Variants in SPOPL observed in about 807,000 individuals in gnomAD.
The protein encoded by SPOPL is speckle-type POZ protein-like.
A neutral mutation model predicts 53.8 loss-of-function variants in SPOPL; 23 were observed. That is an observed-to-expected ratio of 0.43 (90% confidence interval 0.31 to 0.61). The LOEUF (loss-of-function observed/expected upper bound fraction) is 0.61. SPOPL is among the 20% of genes least tolerant of loss of function. SPOPL has a pLI of 0.12. For synonymous variants in SPOPL, 164 were observed against 149.7 expected, an observed-to-expected ratio of 1.10 and a Z score of -0.70; for missense variants, 442 against 466.9, an observed-to-expected ratio of 0.95 and a Z score of 0.49.
chr2:138,542,874 C>A (rs1018224571), intron 1 of SPOPL, among the ~76,000 whole-genome samples: 10 of 152,080 alleles, frequency 6.6e-5, no homozygotes, highest in Non-Finnish European at 1.3e-4. Flanking sequence ...TGGCTGGTAC[C>A]GGTTGTTCCT....
chr2:138,543,095 C>T (rs1028695237), intron 1 of SPOPL, among the ~76,000 whole-genome samples: 5 of 152,230 alleles, frequency 3.3e-5, no homozygotes, highest in Middle Eastern at 3.4e-3. Flanking sequence ...GAGTTTCTGC[C>T]GAGAGATCAG....
chr2:138,514,127 G>A (rs1558861682), intron 1 of SPOPL, among the ~76,000 whole-genome samples: 1 of 152,104 alleles, frequency 6.6e-6, no homozygotes. Context: ...AGTTAATTTA[G>A]GAAGTTTATT....
chr2:138,552,187 T>C (rs925256734), intron 4 of SPOPL, among the ~76,000 whole-genome samples: 1 of 152,034 alleles, frequency 6.6e-6, no homozygotes, highest in Non-Finnish European at 1.5e-5. Flanking sequence ...GATTCTGATA[T>C]TAGATGATTA....
chr2:138,527,746 A>G (rs942669033), intron 1 of SPOPL, among the ~76,000 whole-genome samples: 1 of 152,226 alleles, frequency 6.6e-6, no homozygotes, highest in Non-Finnish European at 1.5e-5. Context: ...CCGTTCATAT[A>G]TTAGGATGAG....
rs1553469729 is a variant in SPOPL, at chr2:138,536,346, C to CACACA, written c.-60-13811_-60-13810insACACA. On this transcript the variant is annotated intron_variant, in intron 1 of 10. Coordinates refer to ENST00000280098, the MANE Select transcript of SPOPL (RefSeq NM_001001664.3). ...GTGGAGTCTATTTAGTGCCCCCCCCCCACACACACACACACGCACACAGTG... is the reference window on the plus strand; with the variant it reads ...GTGGAGTCTATTTAGTGCCCCCCCCCACACACACACACACACACACGCACACAGTG... 4.5e-3 allele frequency among the ~76,000 whole-genome samples: 677 copies of CACACA among 151,314 alleles called. 10 individuals carry two copies. The highest frequency in any genetic ancestry group is 0.016 in the African/African-American group (637 of 40,834).
At chr2:138,553,322 G>A (rs1465594682) in intron 5 of SPOPL, among the ~76,000 whole-genome samples, 1 of 152,012 alleles carries the variant, frequency 6.6e-6, no homozygotes, top group African/African-American at 2.4e-5. Context: ...CTTTTGTCAT[G>A]TTATCATTAG....
At position 138,570,443 on chromosome 2, in the gene SPOPL, G is replaced by A. The variant is rs570399268; in HGVS notation, c.*1363G>A. 6 of 152,188 alleles carry A rather than the reference G, an allele frequency of 3.9e-5. No individual in the cohort carries two copies. The East Asian group carries it at 7.7e-4, about 20-fold the overall frequency. The allele number at this position is 152,188 out of a possible 1,614,324, so 9.4% of individuals were successfully genotyped here. A position where few individuals can be genotyped will look rare whatever the true frequency, so the allele number is the denominator to read the frequency against. ...ATTTTAGCTTTAAATGCATATACAC[G>A]TTCAGTGTTTGATAGTTGTGTTCTT... On this transcript the variant is annotated 3_prime_UTR_variant, in exon 11 of 11. Transcript: ENST00000280098.
intron 1 of SPOPL, among the ~76,000 whole-genome samples, chr2:138,544,654 A>G (rs1053766653): frequency 6.6e-6 from 1 of 152,188 alleles, no homozygotes; most frequent in African/African-American, 2.4e-5. Flanking sequence ...TGACTAGGAA[A>G]GGGAATTCCC....
At chr2:138,509,464 T>G (rs905452170) in intron 1 of SPOPL, among the ~76,000 whole-genome samples, 1 of 152,206 alleles carries the variant, frequency 6.6e-6, no homozygotes, top group Non-Finnish European at 1.5e-5. Context: ...AATGTTATAT[T>G]TATTGACAAA....
At chr2:138,542,393 G>T (rs946025481) in intron 1 of SPOPL, among the ~76,000 whole-genome samples, 22 of 152,112 alleles carry the variant, frequency 1.4e-4, no homozygotes, top group African/African-American at 5.1e-4. Context: ...GGTCTGTAAG[G>T]ACTTGCTTTA....
chr2:138,560,730 G>A, intron 7 of SPOPL, 75 bp from the exon 8 acceptor site: 3 of 1,449,386 alleles, frequency 2.1e-6, no homozygotes, highest in East Asian at 4.8e-5. Flanking sequence ...TTAAATTACT[G>A]TCAAAGATTC....
At chr2:138,550,662 G>T (rs1182381780) in intron 3 of SPOPL, 58 bp downstream of exon 3, 1 of 1,548,214 alleles carries the variant, frequency 6.5e-7, no homozygotes, top group Non-Finnish European at 8.7e-7. Flanking sequence ...ATCATCAGCT[G>T]CTCATGATTT....
At position 138,558,774 on chromosome 2, in the gene SPOPL, G is replaced by A. The variant is rs116172297; in HGVS notation, c.481-248G>A. 2.6e-3 allele frequency among the ~76,000 whole-genome samples: 398 copies of A among 152,018 alleles called. 3 individuals carry two copies. Among genetic ancestry groups the A allele is most frequent in the African/African-American group, 9.3e-3 (385 of 41,494 alleles). On this transcript the variant is annotated intron_variant, in intron 5 of 10. Coordinates refer to ENST00000280098, the MANE Select transcript of SPOPL (RefSeq NM_001001664.3). ...TTTTTGTAATTACTTTAATAATCAA[G>A]CATTCTAACCAATTGATAAGCCATT...
chr2:138,522,522 CCCTT>C (rs1236748984), intron 1 of SPOPL, among the ~76,000 whole-genome samples: 1 of 152,118 alleles, frequency 6.6e-6, no homozygotes, highest in Non-Finnish European at 1.5e-5. Flanking sequence ...ACACATCCCT[CCCTT>C]CCTTTCCCCC....
At chr2:138,527,646 A>G (rs557665385) in intron 1 of SPOPL, among the ~76,000 whole-genome samples, 23 of 152,306 alleles carry the variant, frequency 1.5e-4, no homozygotes, top group Admixed American at 1.1e-3. Flanking sequence ...CTCCATTTCT[A>G]TGAGAGTTCT....
chr2:138,518,067 A>G (rs1307221212), intron 1 of SPOPL, among the ~76,000 whole-genome samples: 27 of 148,774 alleles, frequency 1.8e-4, no homozygotes, highest in Non-Finnish European at 2.8e-4. Context: ...AAAAAAAAAG[A>G]AAAGGAAAAA....
At position 138,552,616 on chromosome 2, in the gene SPOPL, A is replaced by C. The variant is rs748131330; in HGVS notation, c.415A>C (p.Arg139=). 4 of 1,613,170 alleles carry C rather than the reference A, an allele frequency of 2.5e-6. No homozygotes were observed. The African/African-American group carries it at 4.0e-5, about 16-fold the overall frequency. The part of the protein sequence containing the change: ...KDWGFKKFIR[R]DFLLDEANGL... ...CTGGGGTTTTAAAAAATTCATTAGA[A>C]GGGACTTTTTGCTTGATGAAGCTAA... is the stretch of plus-strand genomic sequence containing the variant. The change falls in exon 5 of 11, where the codon AGG becomes CGG. Residue 139 remains arginine (R), a synonymous_variant. Transcript: ENST00000280098.
intron 1 of SPOPL, among the ~76,000 whole-genome samples, chr2:138,536,224 GA>G (rs1193403394): frequency 6.6e-6 from 1 of 152,022 alleles, no homozygotes; most frequent in Non-Finnish European, 1.5e-5. Context: ...TTCAAAGCTG[GA>G]TATTTTATGT....
intron 1 of SPOPL, among the ~76,000 whole-genome samples, chr2:138,528,839 G>A (rs1684733945): frequency 6.6e-6 from 1 of 152,092 alleles, no homozygotes; most frequent in South Asian, 2.1e-4. Flanking sequence ...AAGACTTTGG[G>A]TAGGTTACTT....
Sources: allele counts gnomAD v4.1 joint callset (sites outside exome capture counted in the v4.1 genomes callset), GRCh38; gene constraint gnomAD v4.1.1; transcripts MANE v1.5; gene names NCBI Gene and HGNC (gene_info 2026-07-23, HGNC 2026-07-21).